The following BICC1 variants were observed in gnomAD, a reference collection of about 807,000 sequenced individuals.
The protein encoded by BICC1 is BicC family RNA binding protein 1, also known as protein bicaudal C homolog 1.
A neutral mutation model predicts 111.0 loss-of-function variants in BICC1; 43 were observed. That is an observed-to-expected ratio of 0.39 (90% CI 0.30 to 0.50). The LOEUF is 0.50. BICC1 is among the 20% of genes least tolerant of loss of function. The probability of loss-of-function intolerance (pLI) is 0.88; values close to 1 mark genes in which losing one functional copy is unlikely to be tolerated. For missense variants in BICC1, 1,091 were observed against 1,203.2 expected (o/e 0.91, Z 1.38); for synonymous variants, 467 against 434.4 (o/e 1.07, Z -0.93).
At chr10:58,513,947 TCATCTCTTGA>T (rs1332110608) in intron 1 of BICC1, among the ~76,000 whole-genome samples, 1 of 152,214 alleles carries the variant, frequency 6.6e-6, no homozygotes. Flanking sequence ...AGGACAGTGT[TCATCTCTTGA>T]CAGGCTTATA....
rs368594343 is a variant in BICC1 at position 58,789,641 on chromosome 10, T to A, written c.796-41T>A. ...AGAATCTTTCCCCGTATATGAACAG[T>A]TAATGTATAGGATTATTTCTTTCCC... On this transcript the variant is annotated intron_variant, in intron 7 of 20. Coordinates refer to ENST00000373886, the MANE Select transcript of BICC1 (RefSeq NM_001080512.3). The A allele has an allele frequency of 8.1e-6, 13 of 1,608,360 alleles. No individual in the cohort carries two copies. The African/African-American group carries it at 1.6e-4, about 20-fold the overall frequency.
At chr10:58,791,123 A>T (rs779419328) in intron 8 of BICC1, among the ~76,000 whole-genome samples, 3 of 152,204 alleles carry the variant, frequency 2.0e-5, no homozygotes, top group Non-Finnish European at 4.4e-5. Context: ...GAAATTTGTC[A>T]TGATTTTTTT....
intron 20 of BICC1, among the ~76,000 whole-genome samples, chr10:58,827,294 T>C (rs1844427065): frequency 6.6e-6 from 1 of 152,208 alleles, no homozygotes; most frequent in African/African-American, 2.4e-5. Context: ...GGAGATGTCA[T>C]TGTTGATACA....
intron 2 of BICC1, among the ~76,000 whole-genome samples, chr10:58,641,742 CTT>C (rs1838130621): frequency 6.6e-6 from 1 of 152,044 alleles, no homozygotes; most frequent in Non-Finnish European, 1.5e-5. Flanking sequence ...GATAAAACCT[CTT>C]TTGAGAGATT....
intron 1 of BICC1, among the ~76,000 whole-genome samples, chr10:58,594,076 C>T (rs1335092272): frequency 6.6e-6 from 1 of 151,560 alleles, no homozygotes; most frequent in Non-Finnish European, 1.5e-5. Flanking sequence ...CTTCATGAAG[C>T]ATACACAAGT....
intron 3 of BICC1, among the ~76,000 whole-genome samples, chr10:58,721,264 T>C (rs544058728): frequency 2.6e-5 from 4 of 152,306 alleles, no homozygotes; most frequent in African/African-American, 9.6e-5. Context: ...AGTCAGGCTT[T>C]CCTCACTTCC....
chr10:58,727,773 A>T (rs1366639779), intron 3 of BICC1, among the ~76,000 whole-genome samples: 4 of 152,226 alleles, frequency 2.6e-5, no homozygotes, highest in African/African-American at 9.6e-5. Context: ...TTCTTAATCA[A>T]GTACAGACAT....
intron 3 of BICC1, among the ~76,000 whole-genome samples, chr10:58,729,592 G>C (rs1419467000): frequency 6.6e-6 from 1 of 152,154 alleles, no homozygotes; most frequent in Non-Finnish European, 1.5e-5. Flanking sequence ...AAAGAAAAGA[G>C]GTTTAATTGG....
rs796910731 is a variant in BICC1 at position 58,559,225 on chromosome 10, TCAGTCA to T, written c.190+45895_190+45900del. On this transcript the variant is annotated intron_variant, in intron 1 of 20. Coordinates refer to ENST00000373886, the MANE Select transcript of BICC1 (RefSeq NM_001080512.3). Reference sequence around the variant, plus strand: ...TAAAATATAGCAGAAATCTCAGTGTTCAGTCACAATGCTGAGAAATACTAAAATTAA... The same window carrying T: ...TAAAATATAGCAGAAATCTCAGTGTTCAATGCTGAGAAATACTAAAATTAA... 9.4e-4 allele frequency among the ~76,000 whole-genome samples: 143 copies of T among 152,242 alleles called. 1 individual carries two copies. The highest frequency in any genetic ancestry group is 3.3e-3 in the African/African-American group (138 of 41,574).
At chr10:58,813,593 T>C (rs1358066496) in intron 17 of BICC1, among the ~76,000 whole-genome samples, 1 of 152,130 alleles carries the variant, frequency 6.6e-6, no homozygotes, top group Non-Finnish European at 1.5e-5. Context: ...CCTCAGAATC[T>C]ACTCCCCATA....
At chr10:58,635,183 TAATA>T (rs983349628) in intron 2 of BICC1, among the ~76,000 whole-genome samples, 2 of 152,218 alleles carry the variant, frequency 1.3e-5, no homozygotes, top group Non-Finnish European at 2.9e-5. Context: ...TGCACTATCT[TAATA>T]AATATATGAA....
Position 58,805,651 on chromosome 10 carries a change from T to G in BICC1, c.2182-933T>G, listed in dbSNP as rs551327528. ...TTTTATTATCTTGGCCTAATTGTTA[T>G]TCACAGCACATTTCACCTTCAGAAA... is the stretch of plus-strand genomic sequence containing the variant. On this transcript the variant is annotated intron_variant, in intron 15 of 20. Transcript: ENST00000373886. 3.3e-5 allele frequency among the ~76,000 whole-genome samples: 5 copies of G among 152,344 alleles called. No individual in the cohort carries two copies. In the South Asian group the frequency reaches 8.3e-4, roughly 25 times the overall value.
intron 3 of BICC1, among the ~76,000 whole-genome samples, chr10:58,748,344 C>T (rs566368513): frequency 6.6e-6 from 1 of 152,016 alleles, no homozygotes; most frequent in African/African-American, 2.4e-5. Context: ...CTATACTATA[C>T]ATTCTTGATA....
chr10:58,699,693 C>G (rs1420240584), intron 2 of BICC1, among the ~76,000 whole-genome samples: 3 of 151,770 alleles, frequency 2.0e-5, no homozygotes, highest in African/African-American at 7.3e-5. Flanking sequence ...ATTTTTCTAT[C>G]TTTCTTTCTT....
intron 1 of BICC1, among the ~76,000 whole-genome samples, chr10:58,605,984 A>G (rs1262109988): frequency 6.6e-6 from 1 of 151,908 alleles, no homozygotes; most frequent in Non-Finnish European, 1.5e-5. Context: ...CCTATCACAA[A>G]TTCTTTCTAC....
chr10:58,799,525 T>C (rs1428145577), intron 12 of BICC1, among the ~76,000 whole-genome samples: 1 of 152,182 alleles, frequency 6.6e-6, no homozygotes, highest in Non-Finnish European at 1.5e-5. Context: ...TTTTTATATA[T>C]GGTGAAAGGT....
At chr10:58,642,147 A>C (rs1838142444) in intron 2 of BICC1, among the ~76,000 whole-genome samples, 1 of 152,120 alleles carries the variant, frequency 6.6e-6, no homozygotes, top group South Asian at 2.1e-4. Flanking sequence ...AGAATTATTA[A>C]TTAATTGGTA....
At chr10:58,601,283 GAAT>G (rs1564507019) in intron 1 of BICC1, among the ~76,000 whole-genome samples, 1 of 150,542 alleles carries the variant, frequency 6.6e-6, no homozygotes, top group African/African-American at 2.4e-5. Context: ...TTTATTTAAA[GAAT>G]AATAGTTACA....
intron 3 of BICC1, among the ~76,000 whole-genome samples, chr10:58,743,652 G>A (rs1372772953): frequency 6.6e-6 from 1 of 151,986 alleles, no homozygotes; most frequent in Non-Finnish European, 1.5e-5. Context: ...CTCACAGTGT[G>A]TGCTTCTGTT....
Sources: allele counts gnomAD v4.1 joint callset (sites outside exome capture counted in the v4.1 genomes callset), GRCh38; gene constraint gnomAD v4.1.1; transcripts MANE v1.5; gene names NCBI Gene and HGNC (gene_info 2026-07-23, HGNC 2026-07-21).